Variants in EPRS1 observed in about 807,000 individuals in gnomAD.
EPRS1 encodes the protein bifunctional glutamate/proline--tRNA ligase.
In EPRS1, 107 loss-of-function variants were observed where a neutral mutation model predicts 188.3. The observed-to-expected ratio is 0.57, with a 90% CI of 0.49 to 0.67. The LOEUF (loss-of-function observed/expected upper bound fraction) is 0.67, where lower values mean the gene tolerates loss of function less well. Among genes scored for constraint, EPRS1 ranks in the 30% least tolerant of loss-of-function variants. EPRS1 has a pLI of 0.00. For missense variants in EPRS1, 1,577 were observed against 1,802.2 expected (o/e 0.88, Z 2.26); for synonymous variants, 596 against 593.1 (o/e 1.00, Z -0.07).
chr1:219,987,334 T>G lies in EPRS1; in HGVS notation c.2846A>C (p.Glu949Ala). 6.2e-7 allele frequency: 1 copy of G among 1,613,892 alleles called. No homozygotes were observed. The highest frequency in any genetic ancestry group is 8.5e-7 in the Non-Finnish European group (1 of 1,179,844). The change falls in exon 20 of 32, where the codon GAG becomes GCG. Residue 949 changes from glutamate to alanine, a missense_variant. Glu to Ala is a moderately radical substitution (Grantham distance 107). Coordinates refer to ENST00000366923, the MANE Select transcript of EPRS1 (RefSeq NM_004446.3). ...KAQYKSLIGV[E>A]YKPVSATGAE... Reference sequence around the variant, plus strand: ...TCCAGTGGCCGACACAGGCTTATACTCTACTCCTATCAAAGACTTGTACTG... The same window carrying G: ...TCCAGTGGCCGACACAGGCTTATACGCTACTCCTATCAAAGACTTGTACTG...
chr1:220,031,785 CA>C (rs1230288890), intron 5 of EPRS1, among the ~76,000 whole-genome samples: 1 of 151,896 alleles, frequency 6.6e-6, no homozygotes, highest in Non-Finnish European at 1.5e-5. Flanking sequence ...CTCAATGGTT[CA>C]AAAACCAGGA....
In EPRS1 at chr1:219,968,818, A is replaced by T; in HGVS notation, c.4527T>A (p.Gly1509=). 6.2e-7 allele frequency: 1 copy of T among 1,614,138 alleles called. No homozygotes were observed. Among genetic ancestry groups the T allele is most frequent in the Non-Finnish European group, 8.5e-7 (1 of 1,179,998 alleles). The change falls in exon 32 of 32, where the codon GGT becomes GGA. Residue 1509 remains glycine (G), a synonymous_variant. Transcript: ENST00000366923. ...TTTCGTTCATCCCTCAGTAGCTGCG[A>T]CCAAATAAGGTGTAGTACTTGGCAG... ...KNPAKYYTLF[G]RSY
intron 12 of EPRS1, among the ~76,000 whole-genome samples, chr1:220,015,674 A>C (rs949141618): frequency 2.0e-5 from 3 of 152,146 alleles, no homozygotes; most frequent in Admixed American, 6.5e-5. Flanking sequence ...ATTTCAGACT[A>C]AAAACACAGG....
At chr1:220,037,761 C>A (rs1662215037) in intron 2 of EPRS1, among the ~76,000 whole-genome samples, 1 of 152,112 alleles carries the variant, frequency 6.6e-6, no homozygotes, top group Non-Finnish European at 1.5e-5. Flanking sequence ...ATACTGACTC[C>A]TAAGGGAAGA....
chr1:219,976,264 T>C (rs952456930), intron 28 of EPRS1, among the ~76,000 whole-genome samples: 1 of 152,190 alleles, frequency 6.6e-6, no homozygotes, highest in African/African-American at 2.4e-5. Context: ...ATGTGCTGTG[T>C]CAAGATCACG....
chr1:219,975,338 T>G (rs1261630138), intron 28 of EPRS1, among the ~76,000 whole-genome samples: 1 of 152,178 alleles, frequency 6.6e-6, no homozygotes, highest in Non-Finnish European at 1.5e-5. Flanking sequence ...AATAAATTCA[T>G]GTACTAAGGA....
At chr1:220,025,582 G>C (rs1238393089) in intron 6 of EPRS1, among the ~76,000 whole-genome samples, 2 of 152,044 alleles carry the variant, frequency 1.3e-5, no homozygotes, top group African/African-American at 2.4e-5. Flanking sequence ...TTTAATTAAA[G>C]TAAAGCTGCT....
intron 28 of EPRS1, among the ~76,000 whole-genome samples, chr1:219,976,415 G>A (rs548442982): frequency 1.3e-5 from 2 of 152,264 alleles, no homozygotes; most frequent in South Asian, 4.1e-4. Flanking sequence ...AGCTGAATGG[G>A]GGTCTAGAAT....
In EPRS1 at chr1:219,988,711, G is replaced by A. The variant is rs1288625398; in HGVS notation, c.2654C>T (p.Ser885Leu). 2 of 1,613,730 alleles carry A rather than the reference G, an allele frequency of 1.2e-6. No individual in the cohort carries two copies. Among genetic ancestry groups the A allele is most frequent in the East Asian group, 4.5e-5 (2 of 44,878 alleles). ...GQPPLSQSSD[S>L]SPTRNSEPAG... ...AGGTTCAGAATTTCTGGTTGGGCTT[G>A]AATCCGAACTTTGAGATAATGGGGG... The change falls in exon 19 of 32, where the codon TCA becomes TTA. Residue 885 changes from serine (S) to leucine (L), a missense_variant. By Grantham distance (145) the Ser-to-Leu change is moderately radical. This residue lies in a region of EPRS1 where 1,278 missense variants were observed against 1,457.4 expected (regional missense o/e 0.88). Coordinates refer to ENST00000366923, the MANE Select transcript of EPRS1 (RefSeq NM_004446.3).
At chr1:219,979,978 A>C in intron 26 of EPRS1, 107 bp downstream of exon 26, 1 of 860,676 alleles carries the variant, frequency 1.2e-6, no homozygotes, top group Non-Finnish European at 1.7e-6. Context: ...AGTACATGAA[A>C]CACTTATTTT....
At chr1:219,973,670 C>G (rs1480792730) in intron 28 of EPRS1, among the ~76,000 whole-genome samples, 2 of 152,006 alleles carry the variant, frequency 1.3e-5, no homozygotes, top group Non-Finnish European at 2.9e-5. Flanking sequence ...GCATTCCCAA[C>G]TTTTCTCACA....
chr1:219,992,162 A>T (rs1661136505), intron 18 of EPRS1, among the ~76,000 whole-genome samples: 2 of 152,222 alleles, frequency 1.3e-5, no homozygotes, highest in African/African-American at 4.8e-5. Flanking sequence ...ACAAAAGGGT[A>T]CAGGGATGTA....
chr1:219,987,109 T>TTCAAATGAA, intron 20 of EPRS1, 33 bp downstream of exon 20: 1 of 1,584,492 alleles, frequency 6.3e-7, no homozygotes, highest in South Asian at 1.2e-5. Context: ...AATTCACTGC[T>TTCAAATGAA]TTGCTTCAAA....
intron 17 of EPRS1, among the ~76,000 whole-genome samples, chr1:220,000,875 G>T (rs1661336942): frequency 6.6e-6 from 1 of 152,176 alleles, no homozygotes; most frequent in Admixed American, 6.5e-5. Context: ...CAACTGCTCA[G>T]GAGGCTGAGG....
Position 219,997,111 on chromosome 1 carries a change from G to A in EPRS1, c.2413C>T (p.Pro805Ser). ...TGQEYKPGNP[P>S]AEIGQNISSN... ...GAAATATTCTGTCCTATTTCAGCAGGAGGGTTTCCAGGTTTATATTCCTGG... is the reference window on the plus strand; with the variant it reads ...GAAATATTCTGTCCTATTTCAGCAGAAGGGTTTCCAGGTTTATATTCCTGG... Residue 805 changes from proline to serine, a missense_variant, in exon 18 of 32, where the codon CCT (proline) becomes TCT (serine). Pro to Ser is a moderately conservative substitution (Grantham distance 74). This residue lies in a region of EPRS1 where 1,278 missense variants were observed against 1,457.4 expected (regional missense o/e 0.88). Coordinates refer to ENST00000366923, the MANE Select transcript of EPRS1 (RefSeq NM_004446.3). 1.2e-6 allele frequency: 2 copies of A among 1,614,068 alleles called. No homozygotes were observed. Among genetic ancestry groups the A allele is most frequent in the South Asian group, 2.2e-5 (2 of 91,078 alleles).
Position 219,968,959 on chromosome 1 carries a change from G to A in EPRS1, c.4389-3C>T. On this transcript the variant is annotated splice_polypyrimidine_tract_variant and splice_region_variant and intron_variant, in intron 31 of 31. Coordinates refer to ENST00000366923, the MANE Select transcript of EPRS1 (RefSeq NM_004446.3). ...CACCAGGTTCAAGATCTTGATCCCT[G>A]AAATTAATAACAAATAAGAATTCCA... is the stretch of plus-strand genomic sequence containing the variant. 6.2e-7 allele frequency: 1 copy of A among 1,613,888 alleles called. No individual in the cohort carries two copies. Among genetic ancestry groups the A allele is most frequent in the Non-Finnish European group, 8.5e-7 (1 of 1,179,832 alleles).
chr1:219,986,298 CTG>C (rs1360255308), intron 20 of EPRS1, among the ~76,000 whole-genome samples: 2 of 152,204 alleles, frequency 1.3e-5, no homozygotes, highest in Non-Finnish European at 1.5e-5. Flanking sequence ...CAGAAATACG[CTG>C]TTAGGTGATT....
At chr1:220,026,418 T>C (rs1661973578) in intron 6 of EPRS1, among the ~76,000 whole-genome samples, 1 of 152,208 alleles carries the variant, frequency 6.6e-6, no homozygotes, top group African/African-American at 2.4e-5. Context: ...GAAATACAGT[T>C]GATTGGGCTG....
At chr1:219,981,597 A>G in intron 23 of EPRS1, 140 bp from the exon 24 acceptor site, 1 of 498,308 alleles carries the variant, frequency 2.0e-6, no homozygotes, top group South Asian at 4.4e-5. Context: ...TGTTTGTGTA[A>G]ATATATTTCC....
Sources: gnomAD v4.1 joint callset for allele counts (sites outside exome capture counted in the v4.1 genomes callset) on GRCh38, gnomAD v4.1.1 for gene constraint, gnomAD v4.1.1 regional missense constraint, MANE v1.5 for transcripts, NCBI Gene and HGNC (gene_info 2026-07-23, HGNC 2026-07-21) for gene names.